Variants in CMSS1 observed in about 807,000 individuals in gnomAD.
CMSS1 encodes protein CMSS1.
In CMSS1, 33 loss-of-function variants were observed where a neutral mutation model predicts 43.5. The observed-to-expected ratio is 0.76, with a 90% CI of 0.57 to 1.01. The LOEUF is 1.01. Among genes scored for constraint, CMSS1 ranks in the 50% least tolerant of loss-of-function variants. CMSS1 has a pLI of 0.00. For synonymous variants in CMSS1, 115 were observed against 117.2 expected (o/e 0.98, Z 0.12); for missense variants, 313 against 326.4 (o/e 0.96, Z 0.32).
intron 1 of CMSS1, among the ~76,000 whole-genome samples, chr3:99,900,785 C>T (rs1341586528): frequency 2.0e-5 from 3 of 152,216 alleles, no homozygotes; most frequent in Non-Finnish European, 2.9e-5. Context: ...GCTGTTTCAG[C>T]CTCAGAGATT....
intron 2 of CMSS1, among the ~76,000 whole-genome samples, chr3:100,156,550 G>A (rs563081594): frequency 1.9e-4 from 29 of 150,994 alleles, no homozygotes; most frequent in Admixed American, 5.9e-4. Flanking sequence ...CTCGTAATCC[G>A]CCCTCCTCGG....
At chr3:99,927,935 T>C (rs1400739023) in intron 1 of CMSS1, among the ~76,000 whole-genome samples, 2 of 152,186 alleles carry the variant, frequency 1.3e-5, no homozygotes, top group African/African-American at 2.4e-5. Context: ...GAGAGCTGTT[T>C]GTTCTTCTAA....
At chr3:100,040,173 G>A (rs1408675157) in intron 1 of CMSS1, 2 of 151,976 alleles carry the variant, frequency 1.3e-5, no homozygotes, top group Non-Finnish European at 2.9e-5. Flanking sequence ...TGAGAAGTAG[G>A]AACCTAAGAC....
chr3:100,013,619 A>T (rs1225070479), intron 1 of CMSS1, among the ~76,000 whole-genome samples: 1 of 152,162 alleles, frequency 6.6e-6, no homozygotes, highest in African/African-American at 2.4e-5. Flanking sequence ...ATGAATGACC[A>T]TATTCATTTT....
chr3:100,110,940 G>A (rs77872880), intron 1 of CMSS1, among the ~76,000 whole-genome samples: 2 of 152,076 alleles, frequency 1.3e-5, no homozygotes, highest in African/African-American at 2.4e-5. Context: ...CATGTAGGTG[G>A]ATATACTAAT....
intron 1 of CMSS1, among the ~76,000 whole-genome samples, chr3:99,881,689 C>T (rs780330263): frequency 6.6e-5 from 10 of 152,152 alleles, no homozygotes; most frequent in Middle Eastern, 3.4e-3. Context: ...TGTGCTACCA[C>T]GCCTGGCTAA....
chr3:99,947,157 A>AAG (rs1708036211), intron 1 of CMSS1, among the ~76,000 whole-genome samples: 1 of 150,546 alleles, frequency 6.6e-6, no homozygotes, highest in Admixed American at 6.6e-5. Flanking sequence ...AAAAAAAAAA[A>AAG]GTAATAATAT....
intron 1 of CMSS1, among the ~76,000 whole-genome samples, chr3:99,936,437 A>G (rs112464772): frequency 2.3e-5 from 3 of 128,290 alleles, no homozygotes; most frequent in East Asian, 2.3e-4. Flanking sequence ...GTGCAGTGGC[A>G]CGATCTCGGC....
At chr3:100,102,951 G>C (rs2066334413) in intron 1 of CMSS1, among the ~76,000 whole-genome samples, 1 of 152,190 alleles carries the variant, frequency 6.6e-6, no homozygotes, top group Admixed American at 6.6e-5. Context: ...GGCAAGAGCA[G>C]TTGAAAGGAA....
intron 1 of CMSS1, among the ~76,000 whole-genome samples, chr3:100,024,732 A>G (rs544045685): frequency 1.3e-5 from 2 of 152,312 alleles, no homozygotes; most frequent in East Asian, 3.9e-4. Flanking sequence ...TGGTTGAAAC[A>G]CAGGGATAGA....
chr3:100,063,691 TTG>T (rs2065613126), intron 1 of CMSS1, among the ~76,000 whole-genome samples: 1 of 152,030 alleles, frequency 6.6e-6, no homozygotes. Flanking sequence ...GGTTAGTGAG[TTG>T]TGTGTGTTGG....
intron 1 of CMSS1, among the ~76,000 whole-genome samples, chr3:100,093,383 G>A (rs2066146644): frequency 6.6e-6 from 1 of 151,884 alleles, no homozygotes; most frequent in African/African-American, 2.4e-5. Flanking sequence ...TAAAGATTTT[G>A]ATACATATTT....
chr3:100,119,467 A>G (rs2066602161), intron 1 of CMSS1, among the ~76,000 whole-genome samples: 1 of 152,180 alleles, frequency 6.6e-6, no homozygotes, highest in African/African-American at 2.4e-5. Flanking sequence ...TGTTATTGCA[A>G]TTGCCAAGCA....
At position 100,087,643 on chromosome 3, in the gene CMSS1, A is replaced by G. The variant is rs35055289; in HGVS notation, c.65-59330A>G. Reference sequence around the variant, plus strand: ...CTGAATACAATTCTTTTTCAGATATATAACTTGCGAGTTTTTTTCCCCAGT... The same window carrying G: ...CTGAATACAATTCTTTTTCAGATATGTAACTTGCGAGTTTTTTTCCCCAGT... On this transcript the variant is annotated intron_variant, in intron 1 of 9. Coordinates refer to ENST00000421999, the MANE Select transcript of CMSS1 (RefSeq NM_032359.4). Among the ~76,000 whole-genome samples, 643 of 152,160 alleles carry G rather than the reference A, an allele frequency of 4.2e-3. 1 individual carries two copies. Among genetic ancestry groups the G allele is most frequent in the Middle Eastern group, 0.01 (3 of 294 alleles).
intron 1 of CMSS1, among the ~76,000 whole-genome samples, chr3:99,838,267 G>A (rs542664736): frequency 1.3e-5 from 2 of 152,168 alleles, no homozygotes; most frequent in Non-Finnish European, 2.9e-5. Context: ...CTGCCCATTT[G>A]TGTGGGGCTT....
intron 1 of CMSS1, among the ~76,000 whole-genome samples, chr3:99,922,016 G>C (rs929452042): frequency 7.2e-5 from 11 of 152,132 alleles, no homozygotes. Flanking sequence ...GAGATACACA[G>C]TGAATATCAG....
chr3:100,083,762 A>AG (rs879559278), intron 1 of CMSS1, among the ~76,000 whole-genome samples: 2 of 152,130 alleles, frequency 1.3e-5, no homozygotes. Flanking sequence ...TGTTTAGAGA[A>AG]GGGGGTCTCC....
intron 1 of CMSS1, among the ~76,000 whole-genome samples, chr3:99,820,332 G>A (rs1942411678): frequency 1.3e-5 from 2 of 151,652 alleles, no homozygotes; most frequent in Admixed American, 1.3e-4. Context: ...GAGTAGTTGG[G>A]ATTACAGGAG....
chr3:100,117,856 T>TAC (rs1328775254), intron 1 of CMSS1, among the ~76,000 whole-genome samples: 24 of 57,070 alleles, frequency 4.2e-4, no homozygotes, highest in South Asian at 2.9e-3. Flanking sequence ...TATATATACA[T>TAC]ATATATATAT....
Sources: gnomAD v4.1 joint callset for allele counts (sites outside exome capture counted in the v4.1 genomes callset) on GRCh38, gnomAD v4.1.1 for gene constraint, MANE v1.5 for transcripts, NCBI Gene and HGNC (gene_info 2026-07-23, HGNC 2026-07-21) for gene names.